The following PLCL1 variants were observed in gnomAD, a reference collection of about 807,000 sequenced individuals.
PLCL1 encodes the protein phospholipase C like 1 (inactive), also known as inactive phospholipase C-like protein 1.
A neutral mutation model predicts 84.4 loss-of-function variants in PLCL1; 41 were observed. That is an observed-to-expected ratio of 0.49 (90% CI 0.38 to 0.63). The LOEUF is 0.63. PLCL1 is among the 30% of genes least tolerant of loss of function. The pLI, the probability that PLCL1 is intolerant of heterozygous loss-of-function variation, is 0.00. For synonymous variants in PLCL1, 490 were observed against 488.3 expected, an observed-to-expected ratio of 1.00 and a Z score of -0.05; for missense variants, 1,206 against 1,367.8, an observed-to-expected ratio of 0.88 and a Z score of 1.87.
chr2:197,949,992 C>T (rs1235313387), intron 1 of PLCL1, among the ~76,000 whole-genome samples: 2 of 152,128 alleles, frequency 1.3e-5, no homozygotes, highest in Non-Finnish European at 2.9e-5. Context: ...CTGCCTCCAC[C>T]TCCACCATTG....
At chr2:197,954,996 A>G (rs183344950) in intron 1 of PLCL1, among the ~76,000 whole-genome samples, 9 of 152,190 alleles carry the variant, frequency 5.9e-5, no homozygotes, top group African/African-American at 1.9e-4. Flanking sequence ...AGGGCATGAT[A>G]TGTATTCATT....
intron 5 of PLCL1, among the ~76,000 whole-genome samples, chr2:198,118,070 T>C (rs1353890983): frequency 6.6e-6 from 1 of 151,932 alleles, no homozygotes; most frequent in Non-Finnish European, 1.5e-5. Flanking sequence ...CATGTAGATA[T>C]GATAATAACA....
At chr2:197,843,578 C>G (rs1687058793) in intron 1 of PLCL1, among the ~76,000 whole-genome samples, 1 of 152,110 alleles carries the variant, frequency 6.6e-6, no homozygotes, top group Non-Finnish European at 1.5e-5. Context: ...CAAGGAAAAT[C>G]TCAAACAGTT....
chr2:197,883,926 A>G (rs1030272936), intron 1 of PLCL1, among the ~76,000 whole-genome samples: 1 of 152,170 alleles, frequency 6.6e-6, no homozygotes, highest in Non-Finnish European at 1.5e-5. Context: ...TAAGTACAGA[A>G]TGGTATCATA....
intron 1 of PLCL1, among the ~76,000 whole-genome samples, chr2:197,991,770 C>G (rs930899172): frequency 6.6e-6 from 1 of 152,188 alleles, no homozygotes; most frequent in Non-Finnish European, 1.5e-5. Flanking sequence ...CTCTTTCCCA[C>G]TCAGTGCTTC....
intron 1 of PLCL1, among the ~76,000 whole-genome samples, chr2:197,931,686 ACCC>A (rs1688937088): frequency 5.4e-4 from 15 of 27,738 alleles, no homozygotes; most frequent in South Asian, 3.0e-3. Context: ...CCACCCACCC[ACCC>A]ACCCACCCAC....
intron 1 of PLCL1, among the ~76,000 whole-genome samples, chr2:198,010,055 A>G (rs934418635): frequency 2.0e-5 from 3 of 151,996 alleles, no homozygotes; most frequent in Admixed American, 6.6e-5. Context: ...TTCTAAATTC[A>G]TTTATTAGTT....
chr2:197,904,790 GAAA>G (rs1688343292), intron 1 of PLCL1, among the ~76,000 whole-genome samples: 6 of 151,962 alleles, frequency 3.9e-5, no homozygotes, highest in Admixed American at 3.9e-4. Context: ...CTGTTAATTA[GAAA>G]AAAATTTTTG....
intron 1 of PLCL1, among the ~76,000 whole-genome samples, chr2:197,903,901 C>T (rs1292718231): frequency 1.3e-5 from 2 of 150,220 alleles, no homozygotes; most frequent in East Asian, 2.0e-4. Flanking sequence ...CTCCTGGGTT[C>T]AAGCGATTCA....
intron 5 of PLCL1, among the ~76,000 whole-genome samples, chr2:198,132,287 G>A (rs1341418519): frequency 6.6e-6 from 1 of 152,144 alleles, no homozygotes. Context: ...TTTTGGCTGT[G>A]GTGGTTGGTT....
intron 1 of PLCL1, among the ~76,000 whole-genome samples, chr2:197,850,483 G>A (rs973405849): frequency 6.6e-6 from 1 of 152,112 alleles, no homozygotes; most frequent in Non-Finnish European, 1.5e-5. Flanking sequence ...AATAGAGAAT[G>A]CATGTAGGAA....
At chr2:198,139,388 A>G (rs1694332190) in intron 5 of PLCL1, among the ~76,000 whole-genome samples, 1 of 152,150 alleles carries the variant, frequency 6.6e-6, no homozygotes, top group Non-Finnish European at 1.5e-5. Flanking sequence ...CATTTGCATT[A>G]TCATTTTCCA....
intron 1 of PLCL1, among the ~76,000 whole-genome samples, chr2:197,976,777 C>A (rs943384880): frequency 1.3e-5 from 2 of 152,124 alleles, no homozygotes; most frequent in African/African-American, 4.8e-5. Flanking sequence ...CACTCTTGCT[C>A]CTTATAGGCA....
At chr2:197,891,295 G>T (rs1274886766) in intron 1 of PLCL1, among the ~76,000 whole-genome samples, 1 of 152,174 alleles carries the variant, frequency 6.6e-6, no homozygotes, top group Non-Finnish European at 1.5e-5. Context: ...GTTACACTGA[G>T]AAATTTGACC....
At position 198,085,563 on chromosome 2, in the gene PLCL1, G is replaced by T. The variant is rs144487956; in HGVS notation, c.2046G>T (p.Thr682=). ...CGGGTCCAATGATGGACCTTCACAC[G>T]GGCTGGTTTCTTCAAAACGGGGGAT... is the stretch of plus-strand genomic sequence containing the variant. ...QTPGPMMDLH[T]GWFLQNGGCG... is the part of the protein sequence containing the mutation. Residue 682 remains threonine, a synonymous_variant, in exon 2 of 6, where the codon ACG becomes ACT. Transcript: ENST00000428675. This position sits in a 1 kb window ranked among gnomAD's most constrained non-coding sequence, Gnocchi z 5.3. 9.3e-4 allele frequency: 1,505 copies of T among 1,614,030 alleles called. 29 individuals are homozygous for T. The South Asian group carries it at 0.012, about 13-fold the overall frequency.
chr2:198,067,380 G>A (rs980746500), intron 1 of PLCL1, among the ~76,000 whole-genome samples: 7 of 151,850 alleles, frequency 4.6e-5, no homozygotes, highest in Admixed American at 3.3e-4. Context: ...CACCCGCCTC[G>A]GCCTCCCAAA....
At chr2:198,070,447 A>G (rs1345623337) in intron 1 of PLCL1, among the ~76,000 whole-genome samples, 1 of 152,118 alleles carries the variant, frequency 6.6e-6, no homozygotes, top group Non-Finnish European at 1.5e-5. Flanking sequence ...AAATATTTAT[A>G]AGACTAATTT....
chr2:198,005,989 C>G (rs1368840749), intron 1 of PLCL1, among the ~76,000 whole-genome samples: 1 of 152,148 alleles, frequency 6.6e-6, no homozygotes, highest in Non-Finnish European at 1.5e-5. Flanking sequence ...AATAGGAATG[C>G]TGATTAAGGC....
At chr2:198,128,169 C>A (rs191203090) in intron 5 of PLCL1, among the ~76,000 whole-genome samples, 1 of 152,170 alleles carries the variant, frequency 6.6e-6, no homozygotes, top group East Asian at 1.9e-4. Flanking sequence ...GCCCCTTAAC[C>A]GACTGAATGG....
Sources: gnomAD v4.1 joint callset for allele counts (sites outside exome capture counted in the v4.1 genomes callset) on GRCh38, gnomAD v4.1.1 for gene constraint, Gnocchi (gnomAD v3.1) non-coding constraint, MANE v1.5 for transcripts, NCBI Gene and HGNC (gene_info 2026-07-23, HGNC 2026-07-21) for gene names.